OLFM3: variants seen among roughly 807,000 people sequenced by gnomAD.
OLFM3 encodes the protein noelin-3.
OLFM3 carries 20 observed loss-of-function variants against 48.6 expected under a neutral mutation model. That is an observed-to-expected ratio of 0.41 (90% CI 0.29 to 0.60). The LOEUF (loss-of-function observed/expected upper bound fraction) is 0.60, where lower values mean the gene tolerates loss of function less well. Ranked by LOEUF, OLFM3 falls within the 20% of genes least tolerant of loss-of-function variation. OLFM3 has a pLI of 0.28. For missense variants in OLFM3, 437 were observed against 544.3 expected, an observed-to-expected ratio of 0.80 and a Z score of 1.96; for synonymous variants, 222 against 198.1, an observed-to-expected ratio of 1.12 and a Z score of -1.01.
At chr1:101,953,237 T>G (rs1445329305) in intron 1 of OLFM3, among the ~76,000 whole-genome samples, 1 of 152,130 alleles carries the variant, frequency 6.6e-6, no homozygotes, top group Non-Finnish European at 1.5e-5. Context: ...TCACATTGTA[T>G]TTCTACTGGA....
chr1:101,824,940 T>C (rs968828593), intron 4 of OLFM3, 86 bp downstream of exon 4: 18 of 1,150,386 alleles, frequency 1.6e-5, no homozygotes, highest in Middle Eastern at 2.9e-4. Flanking sequence ...TTAGATATTT[T>C]ATGACTCTTT....
At chr1:101,919,518 T>C (rs1021922788) in intron 1 of OLFM3, among the ~76,000 whole-genome samples, 2 of 152,210 alleles carry the variant, frequency 1.3e-5, no homozygotes, top group Non-Finnish European at 2.9e-5. Context: ...TTTGAACTTC[T>C]TTCTTAATTT....
At chr1:101,824,432 T>C (rs1258859949) in intron 4 of OLFM3, among the ~76,000 whole-genome samples, 2 of 152,198 alleles carry the variant, frequency 1.3e-5, no homozygotes, top group African/African-American at 4.8e-5. Flanking sequence ...GTAGAGTCCA[T>C]GACCCATGCA....
intron 1 of OLFM3, among the ~76,000 whole-genome samples, chr1:101,906,305 A>G (rs958408930): frequency 1.4e-4 from 21 of 152,252 alleles, no homozygotes; most frequent in African/African-American, 4.8e-4. Context: ...TTATGCCTAG[A>G]CACAGTGAGA....
At chr1:101,985,326 C>T (rs765986207) in intron 1 of OLFM3, among the ~76,000 whole-genome samples, 20 of 152,120 alleles carry the variant, frequency 1.3e-4, no homozygotes, top group African/African-American at 4.1e-4. Flanking sequence ...ACAGGTTTTG[C>T]GAATTAGAAA....
At chr1:101,969,329 T>TGG (rs397770331) in intron 1 of OLFM3, among the ~76,000 whole-genome samples, 1 of 149,292 alleles carries the variant, frequency 6.7e-6, no homozygotes, top group African/African-American at 2.5e-5. Flanking sequence ...TTTTTTTTTT[T>TGG]GGTATTTTTG....
chr1:101,883,492 C>T (rs1657618931), intron 1 of OLFM3, among the ~76,000 whole-genome samples: 1 of 151,582 alleles, frequency 6.6e-6, no homozygotes, highest in African/African-American at 2.4e-5. Context: ...GGAGGAGTAC[C>T]TCCTATTGTA....
At chr1:101,931,673 T>C (rs528643921) in intron 1 of OLFM3, among the ~76,000 whole-genome samples, 12 of 152,332 alleles carry the variant, frequency 7.9e-5, no homozygotes, top group Admixed American at 2.0e-4. Context: ...TGGGAGAAGA[T>C]AGAAGGCTCC....
At chr1:101,839,215 T>C (rs1655588984) in intron 1 of OLFM3, among the ~76,000 whole-genome samples, 1 of 152,230 alleles carries the variant, frequency 6.6e-6, no homozygotes, top group Admixed American at 6.5e-5. Context: ...TCAGACTCGT[T>C]AACATTCTCC....
Position 101,996,698 on chromosome 1 carries a change from G to A in OLFM3, c.69+50C>T, listed in dbSNP as rs746640718. 6.9e-5 allele frequency: 109 copies of A among 1,574,322 alleles called. No individual in the cohort carries two copies. The Middle Eastern group carries it at 1.3e-3, about 19-fold the overall frequency. ...ATTTATTTGCATTTCTGTTAGGTTT[G>A]TTACATATTGCACATTTATTTCAAA... On this transcript the variant is annotated intron_variant, in intron 1 of 5. Transcript: ENST00000370103.
chr1:101,974,426 A>G (rs200884542), intron 1 of OLFM3, among the ~76,000 whole-genome samples: 2 of 152,174 alleles, frequency 1.3e-5, no homozygotes, highest in Admixed American at 6.5e-5. Flanking sequence ...CAATAATTTC[A>G]TAGTTACTAA....
chr1:101,828,052 C>CTGTCTG (rs747561274), intron 3 of OLFM3, among the ~76,000 whole-genome samples: 17 of 125,396 alleles, frequency 1.4e-4, no homozygotes, highest in South Asian at 5.0e-4. Context: ...GTCTGTCTGT[C>CTGTCTG]TCTCTCTCTC....
chr1:101,886,453 T>C (rs7415510), intron 1 of OLFM3, among the ~76,000 whole-genome samples: 1 of 151,972 alleles, frequency 6.6e-6, no homozygotes, highest in Non-Finnish European at 1.5e-5. Flanking sequence ...GTACATAAAA[T>C]AAAGTGGTGA....
Position 101,843,008 on chromosome 1 carries a change from C to G in OLFM3, c.70-5983G>C, listed in dbSNP as rs1655803803. 1.3e-5 allele frequency among the ~76,000 whole-genome samples: 2 copies of G among 152,086 alleles called. 1 individual carries two copies. The highest frequency in any genetic ancestry group is 4.1e-4 in the South Asian group (2 of 4,828). ...TACCTAAGAGTTTAGGGAAGGAAAA[C>G]AGAATTTGGGGGGAAAAACAGTCAT... On this transcript the variant is annotated intron_variant, in intron 1 of 5. Transcript: ENST00000370103.
chr1:101,814,522 T>C (rs1256197282), intron 4 of OLFM3, among the ~76,000 whole-genome samples: 1 of 152,204 alleles, frequency 6.6e-6, no homozygotes, highest in Non-Finnish European at 1.5e-5. Context: ...CCTCTCAGTG[T>C]GTGACATTTA....
At chr1:101,979,182 A>G (rs2101106579) in intron 1 of OLFM3, among the ~76,000 whole-genome samples, 1 of 152,250 alleles carries the variant, frequency 6.6e-6, no homozygotes, top group Admixed American at 6.5e-5. Flanking sequence ...TTCAGTGTGG[A>G]GTTTTGACTA....
intron 1 of OLFM3, among the ~76,000 whole-genome samples, chr1:101,966,317 T>TTTTGTGTGTGCGTGTG (rs371512942): frequency 7.8e-6 from 1 of 128,062 alleles, no homozygotes; most frequent in Non-Finnish European, 1.6e-5. Flanking sequence ...CCTGGCTAAT[T>TTTTGTGTGTGCGTGTG]TGTGTGTGTG....
At chr1:101,850,837 T>C (rs911235573) in intron 1 of OLFM3, among the ~76,000 whole-genome samples, 1 of 152,088 alleles carries the variant, frequency 6.6e-6, no homozygotes, top group Non-Finnish European at 1.5e-5. Flanking sequence ...TGTAAATGGC[T>C]TCAGGCAGAG....
chr1:101,855,866 C>T, intron 1 of OLFM3, among the ~76,000 whole-genome samples: 1 of 151,956 alleles, frequency 6.6e-6, no homozygotes, highest in Admixed American at 6.6e-5. Flanking sequence ...GAGACTGTTT[C>T]AGTGGTTGTG....
Sources: gnomAD v4.1 joint callset for allele counts (sites outside exome capture counted in the v4.1 genomes callset) on GRCh38, gnomAD v4.1.1 for gene constraint, MANE v1.5 for transcripts, NCBI Gene and HGNC (gene_info 2026-07-23, HGNC 2026-07-21) for gene names.